The following RAPGEF4 variants were observed in gnomAD, a reference collection of about 807,000 sequenced individuals.
RAPGEF4 encodes Rap guanine nucleotide exchange factor 4.
Under a neutral mutation model 147.9 loss-of-function variants are expected in RAPGEF4, and 66 were observed. The observed-to-expected ratio is 0.45, with a 90% CI of 0.37 to 0.55. The LOEUF (loss-of-function observed/expected upper bound fraction) is 0.55, where lower values mean the gene tolerates loss of function less well. Ranked by LOEUF, RAPGEF4 falls within the 20% of genes least tolerant of loss-of-function variation. RAPGEF4 has a pLI of 0.00. For missense variants in RAPGEF4, 1,071 were observed against 1,257.3 expected, an observed-to-expected ratio of 0.85 and a Z score of 2.24; for synonymous variants, 419 against 442.7, an observed-to-expected ratio of 0.95 and a Z score of 0.67.
At chr2:172,748,778 A>G (rs1695002494) in intron 1 of RAPGEF4, among the ~76,000 whole-genome samples, 1 of 152,222 alleles carries the variant, frequency 6.6e-6, no homozygotes, top group South Asian at 2.1e-4. Flanking sequence ...GAGACAAGGC[A>G]AGTCCCTTCT....
At chr2:172,901,138 C>T (rs992424784) in intron 4 of RAPGEF4, among the ~76,000 whole-genome samples, 1 of 152,166 alleles carries the variant, frequency 6.6e-6, no homozygotes, top group African/African-American at 2.4e-5. Flanking sequence ...ACAGTGCTAT[C>T]TCATTTTTGA....
chr2:172,747,060 C>T (rs1371659888), intron 1 of RAPGEF4, among the ~76,000 whole-genome samples: 1 of 152,168 alleles, frequency 6.6e-6, no homozygotes, highest in Non-Finnish European at 1.5e-5. Context: ...GCAGATATTA[C>T]TCACAACTTA....
intron 4 of RAPGEF4, among the ~76,000 whole-genome samples, chr2:172,907,953 A>T (rs1699778847): frequency 6.6e-6 from 1 of 152,174 alleles, no homozygotes; most frequent in Admixed American, 6.5e-5. Context: ...TTCCTTACCC[A>T]AGAGACTGAG....
At chr2:172,759,476 A>G (rs895805316) in intron 1 of RAPGEF4, among the ~76,000 whole-genome samples, 1 of 152,230 alleles carries the variant, frequency 6.6e-6, no homozygotes, top group African/African-American at 2.4e-5. Context: ...CAGATGGGAA[A>G]AGAACAGAGA....
intron 4 of RAPGEF4, among the ~76,000 whole-genome samples, chr2:172,851,667 C>T (rs1418886659): frequency 6.6e-6 from 1 of 152,130 alleles, no homozygotes; most frequent in South Asian, 2.1e-4. Context: ...AACTGGAGGT[C>T]ATTATCCTAA....
At chr2:172,866,722 A>G (rs1484704448) in intron 4 of RAPGEF4, among the ~76,000 whole-genome samples, 2 of 152,100 alleles carry the variant, frequency 1.3e-5, no homozygotes, top group Non-Finnish European at 2.9e-5. Context: ...GCCCAAACCA[A>G]TAATTTGCTG....
chr2:173,006,513 G>GA (rs999024515), intron 17 of RAPGEF4, among the ~76,000 whole-genome samples: 30 of 152,084 alleles, frequency 2.0e-4, no homozygotes, highest in Admixed American at 1.7e-3. Flanking sequence ...GAATTAAGAA[G>GA]AAAAAAATAT....
intron 4 of RAPGEF4, among the ~76,000 whole-genome samples, chr2:172,829,413 C>CT (rs1364784319): frequency 6.6e-6 from 1 of 152,120 alleles, no homozygotes. Flanking sequence ...GAAGGTGAGC[C>CT]CCTGAGCTCA....
intron 17 of RAPGEF4, among the ~76,000 whole-genome samples, chr2:173,001,662 A>G (rs994346694): frequency 1.3e-5 from 2 of 152,076 alleles, no homozygotes; most frequent in Non-Finnish European, 1.5e-5. Flanking sequence ...ATTGACTGGC[A>G]GTTCTGCTAG....
At chr2:172,883,100 T>TAA (rs111984096) in intron 4 of RAPGEF4, among the ~76,000 whole-genome samples, 12,077 of 148,618 alleles carry the variant, frequency 0.081, 614 homozygotes, top group South Asian at 0.27. Context: ...TAATATGTGT[T>TAA]AAAAAAAAAA....
chr2:172,875,981 C>T (rs1344096050), intron 4 of RAPGEF4, among the ~76,000 whole-genome samples: 1 of 152,030 alleles, frequency 6.6e-6, no homozygotes, highest in African/African-American at 2.4e-5. Flanking sequence ...AGCTGGATTC[C>T]TAGGTATTTT....
intron 1 of RAPGEF4, among the ~76,000 whole-genome samples, chr2:172,767,471 G>A (rs1252573096): frequency 1.3e-5 from 2 of 152,166 alleles, no homozygotes; most frequent in African/African-American, 4.8e-5. Flanking sequence ...GAGGCACTGA[G>A]CCCGGCCTAA....
chr2:172,929,375 G>A (rs1461865846), intron 6 of RAPGEF4, among the ~76,000 whole-genome samples: 1 of 151,986 alleles, frequency 6.6e-6, no homozygotes, highest in African/African-American at 2.4e-5. Flanking sequence ...GAAGACAGAT[G>A]ACAGATAAAT....
At chr2:173,024,220 T>TA (rs202043288) in intron 23 of RAPGEF4, among the ~76,000 whole-genome samples, 4,702 of 17,468 alleles carry the variant, frequency 0.27, 279 homozygotes, top group African/African-American at 0.31. Flanking sequence ...TTTTTATTAT[T>TA]TTTTTTTTTT....
chr2:173,013,880 C>G (rs1312047504), intron 17 of RAPGEF4, among the ~76,000 whole-genome samples: 2 of 152,150 alleles, frequency 1.3e-5, no homozygotes, highest in Non-Finnish European at 2.9e-5. Flanking sequence ...CTGAGGCCCT[C>G]ACCAGAGAAT....
intron 10 of RAPGEF4, among the ~76,000 whole-genome samples, chr2:172,969,578 T>C (rs912528559): frequency 6.6e-6 from 1 of 152,272 alleles, no homozygotes; most frequent in African/African-American, 2.4e-5. Context: ...TAATGTTCCC[T>C]CAGCTCTTAC....
intron 1 of RAPGEF4, among the ~76,000 whole-genome samples, chr2:172,758,726 C>T (rs762263102): frequency 6.8e-5 from 10 of 147,736 alleles, no homozygotes; most frequent in South Asian, 2.1e-4. Context: ...TGTTATGACG[C>T]GGAAGGCTGT....
chr2:172,962,013 T>A (rs370812241), intron 8 of RAPGEF4, among the ~76,000 whole-genome samples: 1 of 152,198 alleles, frequency 6.6e-6, no homozygotes, highest in Admixed American at 6.5e-5. Context: ...ATGACAGAGA[T>A]AAAGGCAGAG....
chr2:172,968,483 C>T (rs1338401544), intron 10 of RAPGEF4, among the ~76,000 whole-genome samples: 1 of 152,140 alleles, frequency 6.6e-6, no homozygotes, highest in Non-Finnish European at 1.5e-5. Context: ...ATTTCCCTTC[C>T]CCAGGATTCT....
Sources: gnomAD v4.1 joint callset for allele counts (sites outside exome capture counted in the v4.1 genomes callset) on GRCh38, gnomAD v4.1.1 for gene constraint, MANE v1.5 for transcripts, NCBI Gene and HGNC (gene_info 2026-07-23, HGNC 2026-07-21) for gene names.